MICU2: variants seen among roughly 807,000 people sequenced by gnomAD.
MICU2 encodes mitochondrial calcium uptake 2.
In MICU2, 64 loss-of-function variants were observed where a neutral mutation model predicts 60.4. That is an observed-to-expected ratio of 1.06 (90% confidence interval 0.87 to 1.31). The LOEUF is 1.31. MICU2 is among the 50% of genes most tolerant of loss of function. MICU2 has a pLI of 0.00. For missense variants in MICU2, 569 were observed against 531.0 expected (o/e 1.07, Z -0.70); for synonymous variants, 201 against 175.0 (o/e 1.15, Z -1.17).
intron 1 of MICU2, among the ~76,000 whole-genome samples, chr13:21,584,757 C>A (rs1195392062): frequency 6.6e-6 from 1 of 152,096 alleles, no homozygotes; most frequent in Non-Finnish European, 1.5e-5. Context: ...ATTTACTCTA[C>A]CAAATATTTA....
chr13:21,539,494 G>A (rs923384727), intron 3 of MICU2, 117 bp from the exon 4 acceptor site: 6 of 1,292,136 alleles, frequency 4.6e-6, no homozygotes, highest in Admixed American at 2.0e-5. Context: ...GTAGACACAG[G>A]GCTTCACTGT....
chr13:21,580,623 A>C (rs1474112048), intron 1 of MICU2, among the ~76,000 whole-genome samples: 1 of 95,200 alleles, frequency 1.1e-5, no homozygotes, highest in Non-Finnish European at 2.8e-5. Context: ...ATATTTGAAA[A>C]CTCAAATGAA....
chr13:21,601,546 G>A lies in MICU2; in HGVS notation c.210+2393C>T, dbSNP rs568459629. Among the ~76,000 whole-genome samples, 10 of 152,238 alleles carry A rather than the reference G, an allele frequency of 6.6e-5. No individual in the cohort carries two copies. In the South Asian group the frequency reaches 2.1e-3, roughly 32 times the overall value. On this transcript the variant is annotated intron_variant, in intron 1 of 11. Transcript: ENST00000382374. The stretch of plus-strand genomic sequence containing the variant: ...TGCAGGGAAGGAGAGCTGAGAGTTG[G>A]GAAGAGAATCCAAAATAACTACACT...
chr13:21,493,869 C>T (rs761659967), intron 11 of MICU2, among the ~76,000 whole-genome samples: 1 of 151,436 alleles, frequency 6.6e-6, no homozygotes, highest in Non-Finnish European at 1.5e-5. Context: ...GCTAAAAATA[C>T]ATGTGGATTA....
At chr13:21,599,253 T>C (rs1888763439) in intron 1 of MICU2, among the ~76,000 whole-genome samples, 1 of 152,254 alleles carries the variant, frequency 6.6e-6, no homozygotes, top group South Asian at 2.1e-4. Flanking sequence ...TTTGCAACTC[T>C]AAAACTCTCT....
intron 6 of MICU2, chr13:21,515,751 G>A (rs531974751): frequency 1.7e-4 from 32 of 186,614 alleles, no homozygotes; most frequent in South Asian, 6.6e-4. Context: ...TTTCTATTAC[G>A]TTTGTTTTAG....
intron 1 of MICU2, among the ~76,000 whole-genome samples, chr13:21,569,865 T>C (rs1252573174): frequency 1.3e-5 from 2 of 150,522 alleles, no homozygotes; most frequent in African/African-American, 4.9e-5. Flanking sequence ...TTAACCAGCT[T>C]GCCTAGATTG....
At chr13:21,603,876 G>A in intron 1 of MICU2, 63 bp downstream of exon 1, 3 of 1,570,742 alleles carry the variant, frequency 1.9e-6, no homozygotes, top group Admixed American at 1.7e-5. Flanking sequence ...ACCACTCCCC[G>A]CCTAAGGGCG....
intron 2 of MICU2, among the ~76,000 whole-genome samples, chr13:21,541,489 C>T (rs1208999500): frequency 1.3e-5 from 2 of 152,096 alleles, no homozygotes; most frequent in African/African-American, 2.4e-5. Context: ...TTATGTAGGT[C>T]AGTGCTAAAC....
intron 1 of MICU2, among the ~76,000 whole-genome samples, chr13:21,568,535 G>A (rs1464273294): frequency 6.6e-6 from 1 of 152,064 alleles, no homozygotes; most frequent in Admixed American, 6.6e-5. Context: ...GATACTTTCT[G>A]AACATTTTAA....
At chr13:21,519,097 C>CA (rs1163431464) in intron 6 of MICU2, among the ~76,000 whole-genome samples, 2 of 152,088 alleles carry the variant, frequency 1.3e-5, no homozygotes, top group Non-Finnish European at 2.9e-5. Flanking sequence ...TTTTTTGAGA[C>CA]AGAGTTTCGC....
At chr13:21,596,486 C>T (rs1036762164) in intron 1 of MICU2, among the ~76,000 whole-genome samples, 6 of 151,400 alleles carry the variant, frequency 4.0e-5, no homozygotes, top group African/African-American at 1.2e-4. Flanking sequence ...TGCAGTGGTG[C>T]GATCCTGGCT....
intron 6 of MICU2, among the ~76,000 whole-genome samples, chr13:21,517,763 G>C (rs1286128622): frequency 6.8e-6 from 1 of 146,030 alleles, no homozygotes; most frequent in East Asian, 2.0e-4. Context: ...CTGGGTGACA[G>C]AGCGAGGACA....
rs1888890580 is a variant in MICU2, at chr13:21,603,931, T to A, written c.210+8A>T. 1 of 1,611,992 alleles carries A rather than the reference T, an allele frequency of 6.2e-7. No homozygotes were observed. The highest frequency in any genetic ancestry group is 1.7e-5 in the Admixed American group (1 of 59,944). On this transcript the variant is annotated splice_region_variant and intron_variant, in intron 1 of 11. Transcript: ENST00000382374. The stretch of plus-strand genomic sequence containing the variant: ...GACTGGGGCTAGCAGAAGGAGTTAG[T>A]CCTGTACCTGTGCGGAGACTGTAAA...
intron 1 of MICU2, among the ~76,000 whole-genome samples, chr13:21,579,153 G>A (rs1337182740): frequency 6.6e-6 from 1 of 152,156 alleles, no homozygotes; most frequent in African/African-American, 2.4e-5. Context: ...GAATGAGCCA[G>A]ATATTATACC....
At chr13:21,497,717 C>T (rs1355350155) in intron 9 of MICU2, among the ~76,000 whole-genome samples, 3 of 152,122 alleles carry the variant, frequency 2.0e-5, no homozygotes, top group Non-Finnish European at 2.9e-5. Context: ...CAAAAACAAA[C>T]AAACAAAACA....
chr13:21,556,896 T>C (rs1292570354), intron 2 of MICU2, among the ~76,000 whole-genome samples: 1 of 152,134 alleles, frequency 6.6e-6, no homozygotes, highest in Non-Finnish European at 1.5e-5. Flanking sequence ...AAACTCTAGG[T>C]GAAGGTGAGG....
At chr13:21,582,618 C>T (rs775105524) in intron 1 of MICU2, among the ~76,000 whole-genome samples, 133 of 152,294 alleles carry the variant, frequency 8.7e-4, no homozygotes, top group Non-Finnish European at 8.4e-4. Flanking sequence ...TCTAAAACAA[C>T]CTTTTTCGAT....
rs1254038511 is a variant in MICU2, at chr13:21,549,080, C to T, written c.359-9392G>A. Among the ~76,000 whole-genome samples, 5 of 151,872 alleles carry T rather than the reference C, an allele frequency of 3.3e-5. No homozygotes were observed. The East Asian group carries it at 5.8e-4, about 18-fold the overall frequency. On this transcript the variant is annotated intron_variant, in intron 2 of 11. Coordinates refer to ENST00000382374, the MANE Select transcript of MICU2 (RefSeq NM_152726.3). ...AGCTGGGACTACAGGCGCCCGCCAC[C>T]ACACCTGGCTCATTTTTTTTTTGCA...
Sources: gnomAD v4.1 joint callset for allele counts (sites outside exome capture counted in the v4.1 genomes callset) on GRCh38, gnomAD v4.1.1 for gene constraint, MANE v1.5 for transcripts, NCBI Gene and HGNC (gene_info 2026-07-23, HGNC 2026-07-21) for gene names.